ZEB1: variants seen among roughly 807,000 people sequenced by gnomAD.
The protein encoded by ZEB1 is zinc finger E-box-binding homeobox 1.
In ZEB1, 21 loss-of-function variants were observed where a neutral mutation model predicts 84.9. That is an observed-to-expected ratio of 0.25 (90% confidence interval 0.18 to 0.36). The LOEUF is 0.36. ZEB1 is among the 10% of genes least tolerant of loss of function. The pLI is 1.00. For synonymous variants in ZEB1, 420 were observed against 471.1 expected (o/e 0.89, Z 1.41); for missense variants, 1,104 against 1,330.2 (o/e 0.83, Z 2.65).
At chr10:31,376,179 T>C (rs1448078544) in intron 1 of ZEB1, among the ~76,000 whole-genome samples, 1 of 151,782 alleles carries the variant, frequency 6.6e-6, no homozygotes, top group African/African-American at 2.4e-5. Context: ...ACTGATGTGA[T>C]GCCATAGGTC....
chr10:31,392,821 A>C (rs755882334), intron 1 of ZEB1, among the ~76,000 whole-genome samples: 1 of 151,422 alleles, frequency 6.6e-6, no homozygotes, highest in Non-Finnish European at 1.5e-5. Context: ...AGATGATATT[A>C]TATATCCATA....
At chr10:31,488,537 A>G (rs1489829825) in intron 2 of ZEB1, among the ~76,000 whole-genome samples, 1 of 144,210 alleles carries the variant, frequency 6.9e-6, no homozygotes, top group South Asian at 2.1e-4. Context: ...TTTTAATTTT[A>G]TTGCTTTTTG....
chr10:31,471,350 A>G (rs1033195132), intron 2 of ZEB1, among the ~76,000 whole-genome samples: 3 of 146,346 alleles, frequency 2.0e-5, no homozygotes, highest in Non-Finnish European at 4.5e-5. Context: ...ATAGGCTCAA[A>G]ATAAAAGGAT....
chr10:31,369,016 T>C (rs920779487), intron 1 of ZEB1, among the ~76,000 whole-genome samples: 10 of 152,230 alleles, frequency 6.6e-5, no homozygotes, highest in African/African-American at 2.4e-4. Context: ...GGAGGACATA[T>C]CTTTACAACT....
intron 1 of ZEB1, among the ~76,000 whole-genome samples, chr10:31,335,528 TA>T (rs2037834414): frequency 6.6e-6 from 1 of 152,176 alleles, no homozygotes; most frequent in Non-Finnish European, 1.5e-5. Context: ...ATCATCTGTT[TA>T]AAGGAAAAGA....
chr10:31,410,083 T>G (rs930795204), intron 1 of ZEB1, among the ~76,000 whole-genome samples: 1 of 152,202 alleles, frequency 6.6e-6, no homozygotes, highest in Non-Finnish European at 1.5e-5. Context: ...CCTTGTCTTG[T>G]GCCGGTTTTC....
At chr10:31,319,006 T>G, upstream of ZEB1, 42 of 537,796 alleles carry the variant, frequency 7.8e-5, no homozygotes, top group Middle Eastern at 5.3e-4. Flanking sequence ...CGCCCCTCAA[T>G]TCAAATTCAG....
chr10:31,387,116 T>C, intron 1 of ZEB1: 1 of 985,832 alleles, frequency 1.0e-6, no homozygotes. Flanking sequence ...TCTTCTCTCC[T>C]CCCTTAGGAC....
At chr10:31,448,738 C>G (rs2060129670) in intron 1 of ZEB1, among the ~76,000 whole-genome samples, 1 of 152,134 alleles carries the variant, frequency 6.6e-6, no homozygotes, top group Non-Finnish European at 1.5e-5. Context: ...GGTCAGGGGT[C>G]AGGGACCCAC....
chr10:31,456,680 A>G (rs1264530189), intron 1 of ZEB1, among the ~76,000 whole-genome samples: 3 of 152,140 alleles, frequency 2.0e-5, no homozygotes, highest in Non-Finnish European at 4.4e-5. Context: ...TAGTAGCTAC[A>G]TAACCTCAGA....
Position 31,477,416 on chromosome 10 carries a change from T to G in ZEB1, c.259+16179T>G, listed in dbSNP as rs2064374763. The stretch of plus-strand genomic sequence containing the variant: ...GCTCATGGATTGGAAGACTCAATAT[T>G]GTTAAAAATGACCACAATGCCCAAA... On this transcript the variant is annotated intron_variant, in intron 2 of 8. Coordinates refer to ENST00000424869, the MANE Select transcript of ZEB1 (RefSeq NM_001174096.2). 1.3e-5 allele frequency among the ~76,000 whole-genome samples: 2 copies of G among 151,996 alleles called. 1 individual carries two copies. The highest frequency in any genetic ancestry group is 4.1e-4 in the South Asian group (2 of 4,832).
intron 8 of ZEB1, among the ~76,000 whole-genome samples, chr10:31,525,317 C>G (rs1460908254): frequency 3.3e-5 from 5 of 152,188 alleles, no homozygotes; most frequent in Non-Finnish European, 7.3e-5. Flanking sequence ...TCATTCCTTC[C>G]ATCAGTGAAG....
intron 1 of ZEB1, among the ~76,000 whole-genome samples, chr10:31,354,105 G>A (rs1031512574): frequency 9.9e-5 from 15 of 152,122 alleles, no homozygotes. Flanking sequence ...CTTAAAGTGG[G>A]AACAGAGCAA....
intron 1 of ZEB1, among the ~76,000 whole-genome samples, chr10:31,444,922 TTAAAG>T (rs1432675100): frequency 6.6e-6 from 1 of 152,166 alleles, no homozygotes; most frequent in Non-Finnish European, 1.5e-5. Context: ...CATATGAACT[TTAAAG>T]TAGTTTTTTT....
At chr10:31,376,374 T>C (rs1434691152) in intron 1 of ZEB1, among the ~76,000 whole-genome samples, 2 of 151,776 alleles carry the variant, frequency 1.3e-5, no homozygotes, top group Non-Finnish European at 3.0e-5. Flanking sequence ...TGACGTTCTT[T>C]GCAGTTAGTA....
rs181644740 is a variant in ZEB1 at position 31,344,461 on chromosome 10, A to G, written c.58+25169A>G. On this transcript the variant is annotated intron_variant, in intron 1 of 8. Coordinates refer to ENST00000424869, the MANE Select transcript of ZEB1 (RefSeq NM_001174096.2). Reference sequence around the variant, plus strand: ...ACAGTAATGAAATAGAAAATTCTTGAATGTTACTCATTTAAATTTTCTGAT... The same window carrying G: ...ACAGTAATGAAATAGAAAATTCTTGGATGTTACTCATTTAAATTTTCTGAT... Among the ~76,000 whole-genome samples, 1,182 of 152,188 alleles carry G rather than the reference A, an allele frequency of 7.8e-3. 9 individuals carry two copies. The highest frequency in any genetic ancestry group is 0.026 in the African/African-American group (1,097 of 41,546).
chr10:31,408,441 A>G (rs1317756202), intron 1 of ZEB1, among the ~76,000 whole-genome samples: 3 of 151,976 alleles, frequency 2.0e-5, no homozygotes, highest in East Asian at 1.9e-4. Context: ...CGCCAAGTCA[A>G]TCCTGAGCCA....
chr10:31,460,931 C>A (rs2061734422), intron 1 of ZEB1, 106 bp from the exon 2 acceptor site: 2 of 912,486 alleles, frequency 2.2e-6, no homozygotes, highest in Non-Finnish European at 3.5e-6. Flanking sequence ...TAAAAGAAAA[C>A]ATTGAATTAC....
chr10:31,519,892 T>C (rs757830275), intron 6 of ZEB1, among the ~76,000 whole-genome samples: 1 of 152,198 alleles, frequency 6.6e-6, no homozygotes, highest in Non-Finnish European at 1.5e-5. Flanking sequence ...ACACATATGC[T>C]GAGAAGATTC....
Sources: gnomAD v4.1 joint callset for allele counts (sites outside exome capture counted in the v4.1 genomes callset) on GRCh38, gnomAD v4.1.1 for gene constraint, MANE v1.5 for transcripts, NCBI Gene and HGNC (gene_info 2026-07-23, HGNC 2026-07-21) for gene names.